TNR: variants seen among roughly 807,000 people sequenced by gnomAD.
TNR encodes tenascin R, also known as tenascin-R.
TNR carries 45 observed loss-of-function variants against 150.4 expected under a neutral mutation model. The observed-to-expected ratio is 0.30, with a 90% confidence interval of 0.24 to 0.38. The LOEUF (loss-of-function observed/expected upper bound fraction) is 0.38. Ranked by LOEUF, TNR falls within the 10% of genes least tolerant of loss-of-function variation. The probability of loss-of-function intolerance (pLI) is 1.00; values close to 1 mark genes in which losing one functional copy is unlikely to be tolerated. For synonymous variants in TNR, 687 were observed against 678.4 expected (o/e 1.01, Z -0.20); for missense variants, 1,544 against 1,759.1 (o/e 0.88, Z 2.19).
intron 1 of TNR, among the ~76,000 whole-genome samples, chr1:175,678,505 TCTC>T (rs1665933173): frequency 6.6e-6 from 1 of 151,858 alleles, no homozygotes; most frequent in African/African-American, 2.4e-5. Context: ...CAGAAAGGGG[TCTC>T]CTCTGGAAGA....
chr1:175,595,362 A>C (rs561863446), intron 1 of TNR, among the ~76,000 whole-genome samples: 19 of 152,282 alleles, frequency 1.2e-4, no homozygotes, highest in Admixed American at 6.5e-4. Context: ...GCAACTACTA[A>C]AGGAGCCTTT....
intron 1 of TNR, among the ~76,000 whole-genome samples, chr1:175,742,288 C>T (rs376438470): frequency 3.9e-5 from 6 of 152,180 alleles, no homozygotes; most frequent in African/African-American, 1.4e-4. Flanking sequence ...GAACAGAGTA[C>T]CACTTCAAGC....
intron 1 of TNR, among the ~76,000 whole-genome samples, chr1:175,687,086 C>T (rs1666220318): frequency 6.6e-6 from 1 of 152,184 alleles, no homozygotes; most frequent in African/African-American, 2.4e-5. Context: ...CATCTATGCT[C>T]AGCCCCAGAC....
chr1:175,606,279 C>G (rs1663400933), intron 1 of TNR, among the ~76,000 whole-genome samples: 1 of 152,156 alleles, frequency 6.6e-6, no homozygotes, highest in Admixed American at 6.5e-5. Flanking sequence ...GGCCACCAAG[C>G]AGGGCTCAGT....
At chr1:175,391,687 C>T (rs1653176832) in intron 6 of TNR, among the ~76,000 whole-genome samples, 1 of 152,168 alleles carries the variant, frequency 6.6e-6, no homozygotes, top group Non-Finnish European at 1.5e-5. Flanking sequence ...ATTTCTTTGG[C>T]CACTCCTGAG....
chr1:175,406,095 C>T (rs769009539), intron 3 of TNR, 121 bp downstream of exon 3: 6 of 1,341,448 alleles, frequency 4.5e-6, no homozygotes, highest in Admixed American at 4.9e-5. Flanking sequence ...GAAGAGATGC[C>T]GGGGTTTTGC....
intron 1 of TNR, among the ~76,000 whole-genome samples, chr1:175,561,652 C>T (rs527944938): frequency 6.6e-6 from 1 of 152,334 alleles, no homozygotes; most frequent in African/African-American, 2.4e-5. Flanking sequence ...GAGGAAAACA[C>T]AGAAGCTAAC....
intron 1 of TNR, among the ~76,000 whole-genome samples, chr1:175,665,239 G>A (rs986330593): frequency 2.0e-5 from 3 of 152,186 alleles, no homozygotes; most frequent in African/African-American, 7.2e-5. Flanking sequence ...TGTTGGATGA[G>A]GTGACTTGAT....
At chr1:175,724,212 C>T (rs1163151965) in intron 1 of TNR, among the ~76,000 whole-genome samples, 1 of 152,138 alleles carries the variant, frequency 6.6e-6, no homozygotes, top group Admixed American at 6.5e-5. Flanking sequence ...TTAATTGGCT[C>T]ACAGTTCTGC....
At chr1:175,525,191 T>C (rs948323833) in intron 2 of TNR, among the ~76,000 whole-genome samples, 2 of 152,340 alleles carry the variant, frequency 1.3e-5, no homozygotes, top group South Asian at 4.1e-4. Context: ...CCTGCCATCA[T>C]GTGAAGAAGG....
At chr1:175,479,935 TAG>T (rs1657709273) in intron 2 of TNR, among the ~76,000 whole-genome samples, 1 of 152,072 alleles carries the variant, frequency 6.6e-6, no homozygotes, top group Non-Finnish European at 1.5e-5. Flanking sequence ...GGAGAGATTC[TAG>T]ATAAATACTA....
intron 14 of TNR, among the ~76,000 whole-genome samples, chr1:175,360,105 TTTAG>T (rs1651524829): frequency 6.6e-6 from 1 of 152,226 alleles, no homozygotes; most frequent in African/African-American, 2.4e-5. Context: ...GTTATAATTT[TTTAG>T]TTAATGAGAT....
chr1:175,335,532 A>G (rs1650194879), intron 20 of TNR, 179 bp downstream of exon 20: 3 of 580,546 alleles, frequency 5.2e-6, no homozygotes, highest in Non-Finnish European at 9.1e-6. Context: ...ACACCACAGT[A>G]AGATAAAAAC....
At chr1:175,579,181 C>T (rs1662249187) in intron 1 of TNR, among the ~76,000 whole-genome samples, 1 of 150,562 alleles carries the variant, frequency 6.6e-6, no homozygotes, top group Non-Finnish European at 1.5e-5. Context: ...TCCTTCCTTC[C>T]TTCCTTCCTT....
chr1:175,619,151 A>T (rs1334653319), intron 1 of TNR, among the ~76,000 whole-genome samples: 1 of 151,708 alleles, frequency 6.6e-6, no homozygotes, highest in South Asian at 2.1e-4. Flanking sequence ...ATCACGGTCT[A>T]CTCCTCCACA....
At chr1:175,427,302 C>G (rs1164913910) in intron 2 of TNR, among the ~76,000 whole-genome samples, 1 of 151,676 alleles carries the variant, frequency 6.6e-6, no homozygotes, top group Non-Finnish European at 1.5e-5. Flanking sequence ...AGTAGCCACA[C>G]TAAAGAGGTA....
Position 175,379,659 on chromosome 1 carries a change from G to A in TNR, c.1856C>T (p.Ala619Val). The change falls in exon 9 of 23, where the codon GCC becomes GTC. Residue 619 changes from alanine (A) to valine (V), a missense_variant. This residue lies in a region of TNR where 1,254 missense variants were observed against 1,329.4 expected (regional missense o/e 0.94). Coordinates refer to ENST00000367674, the MANE Select transcript of TNR (RefSeq NM_003285.3). ...CACAACCTTGTACTCCTGAACTTCG[G>A]CTTCACTGTTATCCCACTCGAGGTC... ...SLDLEWDNSE[A>V]EVQEYKVVYS... 2 of 1,614,176 alleles carry A rather than the reference G, an allele frequency of 1.2e-6. No individual in the cohort carries two copies. Among genetic ancestry groups the A allele is most frequent in the South Asian group, 2.2e-5 (2 of 91,074 alleles).
intron 1 of TNR, among the ~76,000 whole-genome samples, chr1:175,732,377 G>A (rs1177910777): frequency 6.6e-6 from 1 of 152,204 alleles, no homozygotes; most frequent in Admixed American, 6.5e-5. Context: ...GATGAGAATT[G>A]ACACTACCTT....
At chr1:175,441,427 G>A (rs934656998) in intron 2 of TNR, among the ~76,000 whole-genome samples, 4 of 152,112 alleles carry the variant, frequency 2.6e-5, no homozygotes, top group Non-Finnish European at 5.9e-5. Flanking sequence ...GTATATGTAT[G>A]TATGTTATAA....
Sources: allele counts gnomAD v4.1 joint callset (sites outside exome capture counted in the v4.1 genomes callset), GRCh38; gene constraint gnomAD v4.1.1; regional missense constraint gnomAD v4.1.1; transcripts MANE v1.5; gene names NCBI Gene and HGNC (gene_info 2026-07-23, HGNC 2026-07-21).